Variants in ANXA8 observed in about 807,000 individuals in gnomAD.
The protein encoded by ANXA8 is VAC-beta.
In ANXA8, 9 loss-of-function variants were observed where a neutral mutation model predicts 26.8. The observed-to-expected ratio is 0.34, with a 90% CI of 0.20 to 0.59. The LOEUF is 0.59. ANXA8 is among the 20% of genes least tolerant of loss of function. The probability of loss-of-function intolerance (pLI) is 0.84; values close to 1 mark genes in which losing one functional copy is unlikely to be tolerated. For synonymous variants in ANXA8, 39 were observed against 94.8 expected, an observed-to-expected ratio of 0.41 and a Z score of 3.42; for missense variants, 83 against 238.5, an observed-to-expected ratio of 0.35 and a Z score of 4.29.
At chr10:47,649,670 G>A in the ANXA8 span, among the ~76,000 whole-genome samples, 70 of 150,998 alleles carry the variant, frequency 4.6e-4, no homozygotes, top group African/African-American at 1.5e-3. Context: ...GCCTCCCAAC[G>A]TGCTGGGATT....
At chr10:47,570,942 G>A in the ANXA8 span, among the ~76,000 whole-genome samples, 8 of 149,862 alleles carry the variant, frequency 5.3e-5, no homozygotes, top group Non-Finnish European at 7.4e-5. Context: ...GGCCTTTGAC[G>A]TGCCGCATAC....
At chr10:47,501,431 C>T in the ANXA8 span, among the ~76,000 whole-genome samples, 1 of 139,836 alleles carries the variant, frequency 7.2e-6, no homozygotes. Context: ...TGCCATGGGC[C>T]TGGTACGGTG....
At chr10:47,709,307 T>G in the ANXA8 span, among the ~76,000 whole-genome samples, 11 of 148,768 alleles carry the variant, frequency 7.4e-5, no homozygotes, top group African/African-American at 2.3e-4. Context: ...GAATCACAAA[T>G]CAGTTTATGA....
At chr10:47,675,606 T>C in the ANXA8 span, among the ~76,000 whole-genome samples, 1 of 151,752 alleles carries the variant, frequency 6.6e-6, no homozygotes, top group Non-Finnish European at 1.5e-5. Context: ...TCAGACTCCC[T>C]TCTAGTGTCC....
chr10:47,720,051 ATATAT>A, the ANXA8 span: 74 of 1,300,950 alleles, frequency 5.7e-5, 4 homozygotes, highest in African/African-American at 7.2e-4. Context: ...TATGAAGAAA[ATATAT>A]TATAGGTAAG....
At chr10:47,551,310 C>T in the ANXA8 span, among the ~76,000 whole-genome samples, 1 of 151,014 alleles carries the variant, frequency 6.6e-6, no homozygotes, top group Non-Finnish European at 1.5e-5. Context: ...ATGATTCCTA[C>T]TCTGGTAAGG....
chr10:47,538,269 GA>G, the ANXA8 span: 1 of 45,106 alleles, frequency 2.2e-5, no homozygotes, highest in East Asian at 1.9e-3. Context: ...TGAGGCAGGA[GA>G]ATCACTTGAA....
the ANXA8 span, among the ~76,000 whole-genome samples, chr10:47,647,790 A>G: frequency 3.3e-5 from 5 of 151,932 alleles, no homozygotes; most frequent in Admixed American, 6.5e-5. Context: ...TTCATTTCAC[A>G]TAAAGTATGA....
At chr10:47,651,413 G>T in the ANXA8 span, among the ~76,000 whole-genome samples, 1 of 151,550 alleles carries the variant, frequency 6.6e-6, no homozygotes, top group Non-Finnish European at 1.5e-5. Context: ...AAACAGTCTG[G>T]CAGTTCCTCA....
At chr10:47,650,203 C>T in the ANXA8 span, among the ~76,000 whole-genome samples, 1 of 133,528 alleles carries the variant, frequency 7.5e-6, no homozygotes, top group Non-Finnish European at 1.5e-5. Context: ...GCAAGTCTGT[C>T]TCAAAAAAAA....
chr10:47,703,571 A>G, the ANXA8 span, among the ~76,000 whole-genome samples: 7 of 125,912 alleles, frequency 5.6e-5, no homozygotes, highest in Admixed American at 1.0e-4. Flanking sequence ...CTGTCTCAAG[A>G]AAAAAAAAAA....
the ANXA8 span, among the ~76,000 whole-genome samples, chr10:47,645,750 G>A: frequency 6.7e-6 from 1 of 149,922 alleles, no homozygotes; most frequent in Admixed American, 6.6e-5. Context: ...TAGACTGAGT[G>A]AAGAGGATCA....
At chr10:47,639,126 G>GA in the ANXA8 span, among the ~76,000 whole-genome samples, 2 of 144,666 alleles carry the variant, frequency 1.4e-5, no homozygotes, top group Non-Finnish European at 3.0e-5. Flanking sequence ...TTTTGTTTTT[G>GA]TTTTTTTTCT....
chr10:47,620,756 G>A, the ANXA8 span, among the ~76,000 whole-genome samples: 2 of 108,556 alleles, frequency 1.8e-5, no homozygotes, highest in East Asian at 4.5e-4. Flanking sequence ...AGGTTAGGAA[G>A]CACCATTATT....
At chr10:47,497,544 G>C in the ANXA8 span, among the ~76,000 whole-genome samples, 1 of 148,440 alleles carries the variant, frequency 6.7e-6, no homozygotes, top group Non-Finnish European at 1.5e-5. Context: ...GCTTGAACAC[G>C]GGAGGTGGAG....
At chr10:47,727,146 A>G in the ANXA8 span, among the ~76,000 whole-genome samples, 2 of 152,310 alleles carry the variant, frequency 1.3e-5, no homozygotes, top group East Asian at 1.9e-4. Context: ...CTGTTAGTAC[A>G]TGAACAGCGG....
chr10:47,624,170 A>T, the ANXA8 span, among the ~76,000 whole-genome samples: 5 of 95,638 alleles, frequency 5.2e-5, 1 homozygote, highest in South Asian at 1.8e-3. Context: ...TGAACCCAGG[A>T]GGCAGAGCTT....
chr10:47,512,787 TG>T, the ANXA8 span, among the ~76,000 whole-genome samples: 447 of 52,872 alleles, frequency 8.5e-3, 6 homozygotes, highest in African/African-American at 0.039. Context: ...AGTATTATGT[TG>T]GTTGTGGGTT....
At chr10:47,644,199 C>T in the ANXA8 span, among the ~76,000 whole-genome samples, 1 of 146,538 alleles carries the variant, frequency 6.8e-6, no homozygotes, top group African/African-American at 2.7e-5. Flanking sequence ...AAAAACTGCA[C>T]GTCCAGGATA....
Sources: allele counts gnomAD v4.1 joint callset (sites outside exome capture counted in the v4.1 genomes callset), GRCh38; gene constraint gnomAD v4.1.1; transcripts MANE v1.5; gene names NCBI Gene and HGNC (gene_info 2026-07-23, HGNC 2026-07-21).